Variants in AGBL4 observed in about 807,000 individuals in gnomAD.
AGBL4 encodes the protein AGBL carboxypeptidase 4.
AGBL4 carries 58 observed loss-of-function variants against 66.4 expected under a neutral mutation model. The ratio of observed to expected loss-of-function variants is 0.87; its 90% CI spans 0.71 to 1.09. The LOEUF is 1.09. Among genes scored for constraint, AGBL4 ranks in the 50% least tolerant of loss-of-function variants. The pLI is 0.00. For synonymous variants in AGBL4, 234 were observed against 222.9 expected (o/e 1.05, Z -0.44); for missense variants, 579 against 631.0 (o/e 0.92, Z 0.88).
chr1:49,497,149 C>T (rs1309378641), intron 3 of AGBL4, among the ~76,000 whole-genome samples: 1 of 151,914 alleles, frequency 6.6e-6, no homozygotes, highest in Non-Finnish European at 1.5e-5. Context: ...TTTTTATATG[C>T]CTGTTGGCCA....
intron 9 of AGBL4, among the ~76,000 whole-genome samples, chr1:48,597,881 AAAAAG>A (rs892563427): frequency 1.7e-4 from 26 of 150,744 alleles, no homozygotes; most frequent in African/African-American, 5.4e-4. Context: ...AAAGAAAGAA[AAAAAG>A]AAAGAGGGAG....
chr1:48,672,393 G>C (rs140812079), intron 6 of AGBL4, among the ~76,000 whole-genome samples: 1 of 152,116 alleles, frequency 6.6e-6, no homozygotes, highest in African/African-American at 2.4e-5. Flanking sequence ...ATGGATGAGG[G>C]AGCCAAGATA....
chr1:49,583,416 T>C (rs911772313), intron 3 of AGBL4, among the ~76,000 whole-genome samples: 1 of 152,174 alleles, frequency 6.6e-6, no homozygotes, highest in Non-Finnish European at 1.5e-5. Context: ...TAAGTAAGTG[T>C]TTCCCTGAGT....
chr1:48,570,013 T>C (rs2148313708), intron 11 of AGBL4, among the ~76,000 whole-genome samples: 1 of 152,356 alleles, frequency 6.6e-6, no homozygotes, highest in East Asian at 1.9e-4. Context: ...ACTTCCAGTC[T>C]AGATGCCCTG....
intron 1 of AGBL4, among the ~76,000 whole-genome samples, chr1:49,941,755 T>C (rs1288373359): frequency 2.0e-5 from 3 of 152,062 alleles, no homozygotes; most frequent in East Asian, 1.9e-4. Context: ...AGACCATATA[T>C]GGCAAGCCCA....
intron 4 of AGBL4, among the ~76,000 whole-genome samples, chr1:49,161,657 G>T (rs1354707052): frequency 6.6e-6 from 1 of 152,092 alleles, no homozygotes; most frequent in African/African-American, 2.4e-5. Flanking sequence ...AGCCCCTCCT[G>T]GCCTTTGTGA....
chr1:49,246,029 C>T (rs1651616716), intron 3 of AGBL4, among the ~76,000 whole-genome samples, 165 bp from the exon 4 acceptor site: 3 of 151,904 alleles, frequency 2.0e-5, no homozygotes, highest in Admixed American at 1.3e-4. Flanking sequence ...GTGTTTGTGC[C>T]AGCTAAGCAT....
At chr1:49,319,361 T>C (rs1645092659) in intron 3 of AGBL4, among the ~76,000 whole-genome samples, 1 of 152,154 alleles carries the variant, frequency 6.6e-6, no homozygotes, top group Admixed American at 6.6e-5. Flanking sequence ...TGTGAGAAAC[T>C]AAAAAAATTA....
intron 4 of AGBL4, among the ~76,000 whole-genome samples, chr1:49,162,257 ATTTTTCT>A (rs1646554931): frequency 6.6e-6 from 1 of 152,052 alleles, no homozygotes; most frequent in Admixed American, 6.6e-5. Flanking sequence ...GTTCTGTCTT[ATTTTTCT>A]ATTATGTCCC....
chr1:48,972,549 A>G (rs868772498), intron 5 of AGBL4, among the ~76,000 whole-genome samples: 9 of 152,244 alleles, frequency 5.9e-5, no homozygotes, highest in South Asian at 2.1e-4. Flanking sequence ...AGGTGAAGAA[A>G]GGTTAAATAA....
chr1:49,779,625 A>T (rs1246601766), intron 2 of AGBL4, among the ~76,000 whole-genome samples: 1 of 152,154 alleles, frequency 6.6e-6, no homozygotes, highest in Non-Finnish European at 1.5e-5. Flanking sequence ...ATTCACACAT[A>T]CACACGAGTA....
chr1:48,838,725 G>A (rs562300191), intron 6 of AGBL4, among the ~76,000 whole-genome samples: 2 of 152,102 alleles, frequency 1.3e-5, no homozygotes, highest in Non-Finnish European at 2.9e-5. Context: ...TACACCAAAG[G>A]AAACAATCAA....
chr1:48,579,200 C>T (rs1644698657), intron 11 of AGBL4, among the ~76,000 whole-genome samples: 1 of 152,074 alleles, frequency 6.6e-6, no homozygotes. Flanking sequence ...TTGGCCTTAA[C>T]AGCTATCATC....
At chr1:48,687,603 A>G (rs776961745) in intron 6 of AGBL4, among the ~76,000 whole-genome samples, 7 of 152,212 alleles carry the variant, frequency 4.6e-5, no homozygotes, top group Non-Finnish European at 8.8e-5. Flanking sequence ...GAAAAACTCC[A>G]CAGACCAGGC....
At chr1:48,667,928 G>C (rs1333229902) in intron 6 of AGBL4, among the ~76,000 whole-genome samples, 1 of 152,184 alleles carries the variant, frequency 6.6e-6, no homozygotes, top group East Asian at 1.9e-4. Flanking sequence ...TTGTCATGGG[G>C]ATTGAGATGC....
rs577738673 is a variant in AGBL4, at chr1:49,501,778, A to G, written c.282+195535T>C. ...AACTTCTCTCAGAACTGCTTTTGCTACATTCCCATAAATTTTGATATGTTG... is the reference window on the plus strand; with the variant it reads ...AACTTCTCTCAGAACTGCTTTTGCTGCATTCCCATAAATTTTGATATGTTG... On this transcript the variant is annotated intron_variant, in intron 3 of 13. Transcript: ENST00000371839. Among the ~76,000 whole-genome samples the G allele has an allele frequency of 3.9e-5, 6 of 152,126 alleles. No individual in the cohort carries two copies. In the South Asian group the frequency reaches 1.2e-3, roughly 32 times the overall value.
chr1:49,465,641 A>G (rs188687160), intron 3 of AGBL4, among the ~76,000 whole-genome samples: 13 of 151,968 alleles, frequency 8.6e-5, no homozygotes, highest in Admixed American at 7.9e-4. Context: ...CAGCAGCCCA[A>G]TGTAGGTAAT....
At chr1:49,758,113 G>A (rs1259839030) in intron 2 of AGBL4, among the ~76,000 whole-genome samples, 1 of 152,278 alleles carries the variant, frequency 6.6e-6, no homozygotes, top group South Asian at 2.1e-4. Context: ...GTACAGCTCT[G>A]GCTATGGCTT....
At chr1:49,553,563 A>G (rs1653143394) in intron 3 of AGBL4, among the ~76,000 whole-genome samples, 1 of 152,152 alleles carries the variant, frequency 6.6e-6, no homozygotes, top group Non-Finnish European at 1.5e-5. Flanking sequence ...GCCACCCTCC[A>G]GGACCTCACT....
Sources: gnomAD v4.1 joint callset for allele counts (sites outside exome capture counted in the v4.1 genomes callset) on GRCh38, gnomAD v4.1.1 for gene constraint, MANE v1.5 for transcripts, NCBI Gene and HGNC (gene_info 2026-07-23, HGNC 2026-07-21) for gene names.